KRABD5: variants seen among roughly 807,000 people sequenced by gnomAD.
KRABD5 encodes KRAB domain containing 5.
At chr16:31,717,251 C>A in the KRABD5 span, among the ~76,000 whole-genome samples, 38 of 152,236 alleles carry the variant, frequency 2.5e-4, no homozygotes, top group African/African-American at 8.9e-4. Flanking sequence ...CTGCCTCGGC[C>A]TCCCAAAGTG....
At chr16:31,739,621 A>G in the KRABD5 span, among the ~76,000 whole-genome samples, 1 of 152,116 alleles carries the variant, frequency 6.6e-6, no homozygotes, top group Non-Finnish European at 1.5e-5. Flanking sequence ...CTCAGCCATC[A>G]TTTCTTAAAA....
At chr16:31,715,055 C>T in the KRABD5 span, among the ~76,000 whole-genome samples, 13 of 152,040 alleles carry the variant, frequency 8.6e-5, no homozygotes, top group African/African-American at 3.1e-4. Context: ...GGGAAGGGCA[C>T]GACTCCTGGA....
chr16:31,751,767 C>T, the KRABD5 span, among the ~76,000 whole-genome samples: 1 of 152,142 alleles, frequency 6.6e-6, no homozygotes, highest in Non-Finnish European at 1.5e-5. Flanking sequence ...TCAATTAATT[C>T]AGTTATCTGA....
the KRABD5 span, chr16:31,753,790 G>A: frequency 3.9e-6 from 6 of 1,521,542 alleles, no homozygotes; most frequent in East Asian, 4.9e-5. Context: ...GATACTCAAG[G>A]CCTCTTAAGA....
At chr16:31,749,770 A>G in the KRABD5 span, among the ~76,000 whole-genome samples, 1 of 152,124 alleles carries the variant, frequency 6.6e-6, no homozygotes, top group African/African-American at 2.4e-5. Flanking sequence ...CCAGCCTCCT[A>G]GTCAGTTCTG....
chr16:31,738,518 A>G, the KRABD5 span, among the ~76,000 whole-genome samples: 1 of 152,114 alleles, frequency 6.6e-6, no homozygotes, highest in Non-Finnish European at 1.5e-5. Flanking sequence ...ACAGTATTTT[A>G]CTTTGCACAC....
At chr16:31,731,772 AG>A in the KRABD5 span, among the ~76,000 whole-genome samples, 1 of 152,184 alleles carries the variant, frequency 6.6e-6, no homozygotes, top group Admixed American at 6.5e-5. Context: ...TCCCAGGTTG[AG>A]CAAAACTCCT....
At chr16:31,734,639 G>A in the KRABD5 span, among the ~76,000 whole-genome samples, 113,721 of 152,044 alleles carry the variant, frequency 0.75, 42,901 homozygotes, top group Middle Eastern at 0.8. Flanking sequence ...TACTTCTCCT[G>A]TGTAATTGTA....
At chr16:31,724,469 T>C in the KRABD5 span, among the ~76,000 whole-genome samples, 3 of 151,796 alleles carry the variant, frequency 2.0e-5, no homozygotes, top group Non-Finnish European at 4.4e-5. Flanking sequence ...AGGCGGATCA[T>C]GAGGTCAGGA....
chr16:31,734,020 C>T, the KRABD5 span, among the ~76,000 whole-genome samples: 1 of 152,084 alleles, frequency 6.6e-6, no homozygotes, highest in Non-Finnish European at 1.5e-5. Flanking sequence ...AAGCTTTCCA[C>T]TTCTGTATTT....
At chr16:31,747,280 G>A in the KRABD5 span, among the ~76,000 whole-genome samples, 1 of 151,770 alleles carries the variant, frequency 6.6e-6, no homozygotes, top group African/African-American at 2.4e-5. Context: ...TGAGATGATG[G>A]TTTCCAGCTT....
the KRABD5 span, among the ~76,000 whole-genome samples, chr16:31,716,247 G>A: frequency 6.6e-6 from 1 of 152,186 alleles, no homozygotes; most frequent in Non-Finnish European, 1.5e-5. Flanking sequence ...AGTCTCATCT[G>A]CCTGCATGGA....
At chr16:31,727,337 G>C in the KRABD5 span, among the ~76,000 whole-genome samples, 1 of 152,214 alleles carries the variant, frequency 6.6e-6, no homozygotes, top group African/African-American at 2.4e-5. Context: ...ATCCTGGGAA[G>C]GTTCACGGCT....
At chr16:31,735,855 A>G in the KRABD5 span, among the ~76,000 whole-genome samples, 1 of 152,046 alleles carries the variant, frequency 6.6e-6, no homozygotes, top group Non-Finnish European at 1.5e-5. Flanking sequence ...GTTTTCTCCC[A>G]TTGTCTAGGT....
chr16:31,733,347 A>G, the KRABD5 span, among the ~76,000 whole-genome samples: 3 of 151,898 alleles, frequency 2.0e-5, no homozygotes, highest in African/African-American at 7.2e-5. Flanking sequence ...TTGTTCTTTG[A>G]AGGTGATTTT....
the KRABD5 span, among the ~76,000 whole-genome samples, chr16:31,746,985 T>G: frequency 1.3e-3 from 194 of 146,340 alleles, no homozygotes; most frequent in East Asian, 2.6e-3. Context: ...TATGTTTCTG[T>G]TTTTTTTTTT....
At chr16:31,743,884 A>G in the KRABD5 span, among the ~76,000 whole-genome samples, 1 of 152,046 alleles carries the variant, frequency 6.6e-6, no homozygotes, top group Non-Finnish European at 1.5e-5. Context: ...GTTTGTAGCA[A>G]TTGTGAATGG....
At chr16:31,746,152 C>T in the KRABD5 span, among the ~76,000 whole-genome samples, 3 of 151,964 alleles carry the variant, frequency 2.0e-5, no homozygotes, top group African/African-American at 2.4e-5. Context: ...AATTTGATCC[C>T]GTCATCATGA....
chr16:31,741,320 A>G, the KRABD5 span, among the ~76,000 whole-genome samples: 4 of 152,236 alleles, frequency 2.6e-5, no homozygotes, highest in Non-Finnish European at 5.9e-5. Context: ...TCCATTGGGT[A>G]TATACTGAGT....
Sources: allele counts gnomAD v4.1 joint callset (sites outside exome capture counted in the v4.1 genomes callset), GRCh38; gene constraint gnomAD v4.1.1; transcripts MANE v1.5; gene names NCBI Gene and HGNC (gene_info 2026-07-23, HGNC 2026-07-21).